BICD1: variants seen among roughly 807,000 people sequenced by gnomAD.
BICD1 encodes the protein BICD cargo adaptor 1.
In BICD1, 35 loss-of-function variants were observed where a neutral mutation model predicts 92.5. The observed-to-expected ratio is 0.38, with a 90% CI of 0.29 to 0.50. The LOEUF is 0.50. Among genes scored for constraint, BICD1 ranks in the 20% least tolerant of loss-of-function variants. The pLI, the probability that BICD1 is intolerant of heterozygous loss-of-function variation, is 0.93. For missense variants in BICD1, 950 were observed against 1,189.8 expected, an observed-to-expected ratio of 0.80 and a Z score of 2.97; for synonymous variants, 429 against 465.1, an observed-to-expected ratio of 0.92 and a Z score of 1.00.
At position 32,296,249 on chromosome 12, in the gene BICD1, TTTTTTTG is replaced by T. The variant is rs1458344113; in HGVS notation, c.579+2110_579+2116del. ...ATACTTTTTAAAATAAGAAGGGGTT[TTTTTTTG>T]TTTTTTTTTTTTTTTTTTGAGAGAC... On this transcript the variant is annotated intron_variant, in intron 3 of 9. Transcript: ENST00000652176. 5.0e-3 allele frequency among the ~76,000 whole-genome samples: 266 copies of T among 52,942 alleles called. 10 individuals carry two copies. The highest frequency in any genetic ancestry group is 0.026 in the East Asian group (39 of 1,480). 34.7% of individuals were successfully genotyped at this position (52,942 alleles called of 152,430 possible). A position where few individuals can be genotyped will look rare whatever the true frequency, so the allele number is the denominator to read the frequency against.
chr12:32,188,025 G>A (rs368038683), intron 1 of BICD1, among the ~76,000 whole-genome samples: 4 of 151,452 alleles, frequency 2.6e-5, no homozygotes, highest in African/African-American at 4.9e-5. Context: ...TGCAACCTCC[G>A]CCTCCCGGGT....
At chr12:32,187,695 A>C (rs1944457544) in intron 1 of BICD1, among the ~76,000 whole-genome samples, 1 of 152,134 alleles carries the variant, frequency 6.6e-6, no homozygotes, top group South Asian at 2.1e-4. Context: ...AAGAAAAAAG[A>C]AAATGATTCT....
intron 1 of BICD1, among the ~76,000 whole-genome samples, chr12:32,166,676 A>T (rs1943780730): frequency 6.6e-6 from 1 of 152,178 alleles, no homozygotes; most frequent in African/African-American, 2.4e-5. Flanking sequence ...CCACATTTGT[A>T]AGCCTCTACC....
intron 9 of BICD1, among the ~76,000 whole-genome samples, chr12:32,376,782 C>T (rs752687892): frequency 4.7e-5 from 7 of 147,870 alleles, no homozygotes; most frequent in Non-Finnish European, 8.9e-5. Context: ...GCAGGAGAAT[C>T]GCTTGAACTC....
At position 32,366,213 on chromosome 12, in the gene BICD1, CAG is replaced by C. The variant is rs562158406; in HGVS notation, c.2765-1455_2765-1454del. 3.4e-3 allele frequency among the ~76,000 whole-genome samples: 518 copies of C among 152,256 alleles called. 1 individual carries two copies. Among genetic ancestry groups the C allele is most frequent in the Middle Eastern group, 0.017 (5 of 294 alleles). ...ACTATATAGGCAGGCTTTTTTATAA[CAG>C]AATATAACAGTGATACTTAAATAGA... On this transcript the variant is annotated intron_variant, in intron 8 of 9. Transcript: ENST00000652176.
Position 32,342,142 on chromosome 12 carries a change from G to A in BICD1, c.2764+3163G>A, listed in dbSNP as rs1302331308. 3.5e-5 allele frequency among the ~76,000 whole-genome samples: 5 copies of A among 143,540 alleles called. No individual in the cohort carries two copies. In the Admixed American group the frequency reaches 3.5e-4, roughly 10 times the overall value. The allele number at this position is 143,540 out of a possible 152,430, so 94.2% of individuals were successfully genotyped here. The stretch of plus-strand genomic sequence containing the variant: ...CATATATATGTATATATATATGTGT[G>A]TATATATATGTGTGTATATATATGT... On this transcript the variant is annotated intron_variant, in intron 8 of 9. Coordinates refer to ENST00000652176, the MANE Select transcript of BICD1 (RefSeq NM_001714.4).
intron 1 of BICD1, among the ~76,000 whole-genome samples, chr12:32,126,705 C>T (rs972912742): frequency 2.0e-5 from 3 of 151,558 alleles, no homozygotes; most frequent in Admixed American, 6.6e-5. Flanking sequence ...TGCAGTGAGC[C>T]GAGATCAGAT....
At chr12:32,177,279 C>T (rs1353124866) in intron 1 of BICD1, among the ~76,000 whole-genome samples, 1 of 150,814 alleles carries the variant, frequency 6.6e-6, no homozygotes, top group Admixed American at 6.6e-5. Context: ...CACACCATGG[C>T]ACTCCAGTCT....
At chr12:32,233,630 A>G (rs1030128709) in intron 2 of BICD1, among the ~76,000 whole-genome samples, 16 of 152,004 alleles carry the variant, frequency 1.1e-4, no homozygotes, top group African/African-American at 3.9e-4. Flanking sequence ...ATAAGAATAA[A>G]GATCTGTGCA....
chr12:32,324,627 G>A (rs1003757451), intron 4 of BICD1, among the ~76,000 whole-genome samples: 9 of 152,042 alleles, frequency 5.9e-5, no homozygotes, highest in Non-Finnish European at 1.3e-4. Flanking sequence ...CCAGGCTGGA[G>A]TGCAGTGGCA....
intron 1 of BICD1, among the ~76,000 whole-genome samples, chr12:32,190,166 C>A (rs1443532389): frequency 6.6e-6 from 1 of 151,998 alleles, no homozygotes; most frequent in Non-Finnish European, 1.5e-5. Flanking sequence ...TTTAAAGTCA[C>A]AAAGCAAGAC....
intron 8 of BICD1, chr12:32,340,218 T>C: frequency 2.0e-6 from 2 of 985,454 alleles, no homozygotes; most frequent in Non-Finnish European, 2.4e-6. Flanking sequence ...TAGAAACTGA[T>C]AGTGCATTTC....
intron 1 of BICD1, among the ~76,000 whole-genome samples, chr12:32,192,481 A>G (rs1944604054): frequency 7.0e-6 from 1 of 142,808 alleles, no homozygotes; most frequent in Non-Finnish European, 1.5e-5. Flanking sequence ...TAGATAGACA[A>G]ATAAAGCAAA....
intron 2 of BICD1, among the ~76,000 whole-genome samples, chr12:32,258,941 A>G (rs1468275799): frequency 1.3e-5 from 2 of 152,108 alleles, no homozygotes; most frequent in African/African-American, 4.8e-5. Flanking sequence ...ATAATATCCA[A>G]CCTCCCACAA....
rs1287404430 is a variant in BICD1, at chr12:32,143,544, G to A, written c.213+36000G>A. On this transcript the variant is annotated intron_variant, in intron 1 of 9. Coordinates refer to ENST00000652176, the MANE Select transcript of BICD1 (RefSeq NM_001714.4). The stretch of plus-strand genomic sequence containing the variant: ...GTTATGGTATAGTATCCCATTGTAT[G>A]ATTGTACCACAGTTTATCCATTTTT... 2.6e-5 allele frequency among the ~76,000 whole-genome samples: 4 copies of A among 152,116 alleles called. No individual in the cohort carries two copies. The East Asian group carries it at 5.8e-4, about 22-fold the overall frequency.
intron 2 of BICD1, among the ~76,000 whole-genome samples, chr12:32,249,782 C>G (rs779840266): frequency 2.7e-4 from 41 of 150,942 alleles, no homozygotes; most frequent in Non-Finnish European, 2.9e-5. Context: ...TTCTTTTGTA[C>G]AAGTGTCTTC....
At chr12:32,366,284 A>T (rs986720148) in intron 8 of BICD1, among the ~76,000 whole-genome samples, 1 of 152,262 alleles carries the variant, frequency 6.6e-6, no homozygotes, top group African/African-American at 2.4e-5. Flanking sequence ...TAAGGCTATA[A>T]ATCCAGACTT....
At chr12:32,118,881 G>A (rs139917888) in intron 1 of BICD1, among the ~76,000 whole-genome samples, 1,948 of 152,334 alleles carry the variant, frequency 0.013, 22 homozygotes, top group Middle Eastern at 0.027. Flanking sequence ...CCACTTGCTG[G>A]AGATACAGCG....
intron 2 of BICD1, among the ~76,000 whole-genome samples, chr12:32,249,971 A>C (rs1363062666): frequency 1.3e-5 from 2 of 150,838 alleles, no homozygotes; most frequent in Non-Finnish European, 2.9e-5. Context: ...AATAGGAGAC[A>C]AAAGAAAGGA....
Sources: gnomAD v4.1 joint callset for allele counts (sites outside exome capture counted in the v4.1 genomes callset) on GRCh38, gnomAD v4.1.1 for gene constraint, MANE v1.5 for transcripts, NCBI Gene and HGNC (gene_info 2026-07-23, HGNC 2026-07-21) for gene names.